CREB1: variants seen among roughly 807,000 people sequenced by gnomAD.
The protein encoded by CREB1 is cyclic AMP-responsive element-binding protein 1.
A neutral mutation model predicts 42.0 loss-of-function variants in CREB1; 2 were observed. The ratio of observed to expected loss-of-function variants is 0.05; its 90% CI spans 0.02 to 0.15. The LOEUF is 0.15. Among genes scored for constraint, CREB1 ranks in the 10% least tolerant of loss-of-function variants. The pLI, the probability that CREB1 is intolerant of heterozygous loss-of-function variation, is 1.00. For missense variants in CREB1, 199 were observed against 388.9 expected (o/e 0.51, Z 4.11); for synonymous variants, 123 against 139.9 (o/e 0.88, Z 0.85).
chr2:207,574,770 G>T (rs1454024831), intron 5 of CREB1, among the ~76,000 whole-genome samples: 1 of 152,142 alleles, frequency 6.6e-6, no homozygotes, highest in Non-Finnish European at 1.5e-5. Context: ...ACAAGAGTTA[G>T]GGAATACAAT....
chr2:207,560,109 A>C lies in CREB1; in HGVS notation c.115-117A>C, dbSNP rs145874371. 3.8e-4 allele frequency: 323 copies of C among 852,510 alleles called. 1 individual carries two copies. In the African/African-American group the frequency reaches 4.8e-3, roughly 13 times the overall value. The allele number at this position is 852,510 out of a possible 1,614,324, so 52.8% of individuals were successfully genotyped here. A position where few individuals can be genotyped will look rare whatever the true frequency, so the allele number is the denominator to read the frequency against. On this transcript the variant is annotated intron_variant, in intron 2 of 7. Transcript: ENST00000353267. ...TTAGTCATTACTTTCATATCAGTGAAATACATATCTAGCAAAAAGGTCACG... is the reference window on the plus strand; with the variant it reads ...TTAGTCATTACTTTCATATCAGTGACATACATATCTAGCAAAAAGGTCACG...
At chr2:207,573,035 C>T (rs1467020262) in intron 5 of CREB1, among the ~76,000 whole-genome samples, 1 of 152,086 alleles carries the variant, frequency 6.6e-6, no homozygotes, top group Non-Finnish European at 1.5e-5. Context: ...TCATTTTGAA[C>T]TTGAATTTTT....
At chr2:207,553,230 G>A (rs1438838069) in intron 1 of CREB1, among the ~76,000 whole-genome samples, 1 of 151,540 alleles carries the variant, frequency 6.6e-6, no homozygotes, top group Non-Finnish European at 1.5e-5. Context: ...TGCCACACCC[G>A]GCTAGTTTTT....
At position 207,605,724 on chromosome 2, in the gene CREB1, C is replaced by T. The variant is rs2709396; in HGVS notation, c.*8666C>T. Among the ~76,000 whole-genome samples, 128,469 of 152,178 alleles carry T rather than the reference C, an allele frequency of 0.84. 54,410 individuals are homozygous for T. The highest frequency in any genetic ancestry group is 1 in the East Asian group (5,181 of 5,186). On this transcript the variant is annotated 3_prime_UTR_variant, in exon 8 of 8. Transcript: ENST00000353267. Reference sequence around the variant, plus strand: ...CAGATACAGTTTAACCAGTCCTCTTCTGGGGACATTTGGCTGTTTGAAATT... The same window carrying T: ...CAGATACAGTTTAACCAGTCCTCTTTTGGGGACATTTGGCTGTTTGAAATT...
At chr2:207,584,503 A>C (rs1349165731) in intron 7 of CREB1, among the ~76,000 whole-genome samples, 1 of 152,134 alleles carries the variant, frequency 6.6e-6, no homozygotes, top group East Asian at 1.9e-4. Flanking sequence ...TCCTGGGTTC[A>C]AGAGATTCTC....
chr2:207,572,095 G>A (rs1009426987), intron 5 of CREB1, among the ~76,000 whole-genome samples: 6 of 151,850 alleles, frequency 4.0e-5, no homozygotes, highest in South Asian at 2.1e-4. Flanking sequence ...GCATAGTGGC[G>A]GACGCCTGTA....
At chr2:207,564,475 C>T (rs1197001130) in intron 3 of CREB1, among the ~76,000 whole-genome samples, 1 of 151,390 alleles carries the variant, frequency 6.6e-6, no homozygotes, top group Non-Finnish European at 1.5e-5. Context: ...CACCACTGCA[C>T]TCCAGCCTCG....
At chr2:207,570,793 A>G (rs1574862412) in intron 5 of CREB1, among the ~76,000 whole-genome samples, 2 of 152,168 alleles carry the variant, frequency 1.3e-5, no homozygotes, top group South Asian at 2.1e-4. Context: ...TTGAGTCAGC[A>G]CATTCAATTA....
In CREB1 at chr2:207,603,004, T is replaced by C. The variant is rs1415510592; in HGVS notation, c.*5946T>C. ...TGTTTGGCTTTTTGGTTTTTGAGGG[T>C]TGGGGTAAAGAAGACTTCCCCCACA... is the stretch of plus-strand genomic sequence containing the variant. On this transcript the variant is annotated 3_prime_UTR_variant, in exon 8 of 8. Transcript: ENST00000353267. 1 of 214,014 alleles carries C rather than the reference T, an allele frequency of 4.7e-6. No individual in the cohort carries two copies. Among genetic ancestry groups the C allele is most frequent in the Non-Finnish European group, 9.4e-6 (1 of 105,942 alleles). The allele number at this position is 214,014 out of a possible 1,614,324, so 13.3% of individuals were successfully genotyped here.
intron 7 of CREB1, chr2:207,582,798 C>A: frequency 3.4e-6 from 1 of 290,268 alleles, no homozygotes; most frequent in Non-Finnish European, 7.0e-6. Flanking sequence ...GCGGCTGAGG[C>A]AGAAGAATTG....
intron 1 of CREB1, among the ~76,000 whole-genome samples, 191 bp downstream of exon 1, chr2:207,530,325 G>A (rs1210933061): frequency 2.0e-5 from 3 of 151,390 alleles, no homozygotes; most frequent in African/African-American, 7.3e-5. Context: ...GCGGCGGACT[G>A]GAGCCAGCGG....
At chr2:207,594,517 C>G (rs1181669101) in intron 7 of CREB1, among the ~76,000 whole-genome samples, 1 of 152,118 alleles carries the variant, frequency 6.6e-6, no homozygotes, top group East Asian at 1.9e-4. Context: ...ATAATGCCCT[C>G]AAGGTTCATC....
intron 2 of CREB1, among the ~76,000 whole-genome samples, chr2:207,557,062 C>G (rs544106835): frequency 1.3e-5 from 2 of 152,026 alleles, no homozygotes; most frequent in African/African-American, 4.8e-5. Flanking sequence ...TGCTTAAGTC[C>G]GGGAGGCAGA....
At chr2:207,584,142 A>G (rs748278884) in intron 7 of CREB1, among the ~76,000 whole-genome samples, 1 of 152,238 alleles carries the variant, frequency 6.6e-6, no homozygotes, top group Non-Finnish European at 1.5e-5. Context: ...TTTTTATATG[A>G]ACTTTCCATT....
rs769255632 is a variant in CREB1 at position 207,597,221 on chromosome 2, A to G, written c.*163A>G. ...TTCATTCATTTGTGCTTTTGCATTA[A>G]ACTGTGAATGTTCCAACACCTGCCT... On this transcript the variant is annotated 3_prime_UTR_variant, in exon 8 of 8. Transcript: ENST00000353267. The G allele has an allele frequency of 4.7e-5, 34 of 728,784 alleles. No homozygotes were observed. Among genetic ancestry groups the G allele is most frequent in the Non-Finnish European group, 6.8e-5 (33 of 484,872 alleles). The allele number at this position is 728,784 out of a possible 1,614,324, so 45.1% of individuals were successfully genotyped here.
At chr2:207,553,100 ACT>A (rs2081580719) in intron 1 of CREB1, among the ~76,000 whole-genome samples, 2 of 107,480 alleles carry the variant, frequency 1.9e-5, no homozygotes, top group African/African-American at 7.6e-5. Context: ...ATGGAGTGTC[ACT>A]CTGACACCGA....
intron 1 of CREB1, among the ~76,000 whole-genome samples, chr2:207,532,927 A>T (rs185879693): frequency 2.0e-5 from 3 of 151,656 alleles, no homozygotes; most frequent in Non-Finnish European, 2.9e-5. Flanking sequence ...GGCCTGTTTT[A>T]TTATTTATAC....
intron 7 of CREB1, among the ~76,000 whole-genome samples, chr2:207,585,077 G>C (rs921743643): frequency 6.6e-6 from 1 of 151,996 alleles, no homozygotes; most frequent in South Asian, 2.1e-4. Context: ...CTGAGGATTG[G>C]TTGGTCCTGC....
At chr2:207,590,937 G>C (rs1184210635) in intron 7 of CREB1, among the ~76,000 whole-genome samples, 1 of 152,092 alleles carries the variant, frequency 6.6e-6, no homozygotes, top group African/African-American at 2.4e-5. Context: ...TTTGCATTCA[G>C]TTTAAAAATT....
Sources: allele counts gnomAD v4.1 joint callset (sites outside exome capture counted in the v4.1 genomes callset), GRCh38; gene constraint gnomAD v4.1.1; transcripts MANE v1.5; gene names NCBI Gene and HGNC (gene_info 2026-07-23, HGNC 2026-07-21).